Variants in ARHGEF11 observed in about 807,000 individuals in gnomAD.
ARHGEF11 encodes the protein Rho guanine exchange factor (GEF) 11.
Under a neutral mutation model 193.7 loss-of-function variants are expected in ARHGEF11, and 55 were observed. That is an observed-to-expected ratio of 0.28 (90% CI 0.23 to 0.36). ARHGEF11 has a LOEUF of 0.36. Among genes scored for constraint, ARHGEF11 ranks in the 10% least tolerant of loss-of-function variants. The pLI, the probability that ARHGEF11 is intolerant of heterozygous loss-of-function variation, is 1.00. For missense variants in ARHGEF11, 1,723 were observed against 2,005.6 expected (o/e 0.86, Z 2.69); for synonymous variants, 693 against 768.0 (o/e 0.90, Z 1.62).
rs759908021 is a variant in ARHGEF11 at position 157,044,847 on chromosome 1, C to A, written c.-517G>T. 1.0e-4 allele frequency: 25 copies of A among 239,280 alleles called. No individual in the cohort carries two copies. The highest frequency in any genetic ancestry group is 1.7e-4 in the Non-Finnish European group (21 of 126,858). 14.8% of individuals were successfully genotyped at this position (239,280 alleles called of 1,614,324 possible). Reference sequence around the variant, plus strand: ...TGCTTAATATGACAACAGCAAATATCTTTGAGGAAAGGAAAAAAAAAAGGA... The same window carrying A: ...TGCTTAATATGACAACAGCAAATATATTTGAGGAAAGGAAAAAAAAAAGGA... On this transcript the variant is annotated 5_prime_UTR_variant, in exon 1 of 41. Coordinates refer to ENST00000368194, the MANE Select transcript of ARHGEF11 (RefSeq NM_198236.3).
At chr1:157,016,305 C>T (rs972818171) in intron 1 of ARHGEF11, among the ~76,000 whole-genome samples, 3 of 152,116 alleles carry the variant, frequency 2.0e-5, no homozygotes, top group Non-Finnish European at 2.9e-5. Context: ...CTGCAACCTC[C>T]GCCTCTCAGA....
Position 156,980,455 on chromosome 1 carries a change from C to T in ARHGEF11, c.255G>A (p.Glu85=). 1 of 1,604,020 alleles carries T rather than the reference C, an allele frequency of 6.2e-7. No individual in the cohort carries two copies. Among genetic ancestry groups the T allele is most frequent in the South Asian group, 1.1e-5 (1 of 88,662 alleles). Residue 85 remains glutamate, a synonymous_variant, in exon 4 of 41, where the codon GAG becomes GAA. Coordinates refer to ENST00000368194, the MANE Select transcript of ARHGEF11 (RefSeq NM_198236.3). ...CACTCACTTTGATGATCCGGTCGCC[C>T]TCTTTCACACCGGCCTTCATGGCTG... ...GGAAMKAGVK[E]GDRIIKVNGT... is the part of the protein sequence containing the mutation.
intron 6 of ARHGEF11, 70 bp from the exon 7 acceptor site, chr1:156,977,124 T>C: frequency 7.3e-7 from 1 of 1,366,552 alleles, no homozygotes; most frequent in Non-Finnish European, 1.0e-6. Context: ...TTCTATCTGC[T>C]GGTTCCTGGG....
intron 1 of ARHGEF11, among the ~76,000 whole-genome samples, chr1:156,989,503 A>G (rs1442342863): frequency 6.6e-6 from 1 of 152,178 alleles, no homozygotes; most frequent in East Asian, 1.9e-4. Context: ...GCCTCCAATA[A>G]CTTGGTATTA....
At chr1:156,962,865 C>T (rs1178498894) in intron 13 of ARHGEF11, among the ~76,000 whole-genome samples, 4 of 113,090 alleles carry the variant, frequency 3.5e-5, no homozygotes, top group African/African-American at 1.4e-4. Flanking sequence ...GGCGACAGTG[C>T]GAGACTCCGT....
intron 14 of ARHGEF11, among the ~76,000 whole-genome samples, chr1:156,960,923 G>C (rs999782912): frequency 4.6e-5 from 7 of 152,200 alleles, no homozygotes; most frequent in Non-Finnish European, 1.0e-4. Flanking sequence ...CTGACACCTG[G>C]ATACTGGAAA....
chr1:157,034,775 T>C (rs1411369360), intron 1 of ARHGEF11, among the ~76,000 whole-genome samples: 1 of 152,188 alleles, frequency 6.6e-6, no homozygotes, highest in Non-Finnish European at 1.5e-5. Flanking sequence ...CATAACAGTC[T>C]ACCACGTGCT....
chr1:156,944,979 A>C, intron 30 of ARHGEF11, 40 bp downstream of exon 30: 1 of 1,600,438 alleles, frequency 6.2e-7, no homozygotes, highest in Non-Finnish European at 8.5e-7. Context: ...GGGTACCCAC[A>C]AAGTGTGAGG....
chr1:156,938,591 G>C, intron 37 of ARHGEF11, 78 bp from the exon 38 acceptor site: 1 of 1,402,684 alleles, frequency 7.1e-7, no homozygotes, highest in Non-Finnish European at 1.0e-6. Context: ...ACAGGAAGGA[G>C]AGAGGGCAGG....
intron 7 of ARHGEF11, among the ~76,000 whole-genome samples, chr1:156,976,267 C>T (rs1002714520): frequency 6.6e-6 from 1 of 152,142 alleles, no homozygotes; most frequent in Non-Finnish European, 1.5e-5. Context: ...TAAAGTACCA[C>T]TCTTCAAGGC....
Position 156,967,968 on chromosome 1 carries a change from G to A in ARHGEF11, c.963+19C>T, listed in dbSNP as rs367835859. On this transcript the variant is annotated intron_variant, in intron 11 of 40. Coordinates refer to ENST00000368194, the MANE Select transcript of ARHGEF11 (RefSeq NM_198236.3). ...CTTCTGAGAAAAGGAAAACTGCAGGGTGGCTCCAGATCACTCACCTGGTCA... is the reference window on the plus strand; with the variant it reads ...CTTCTGAGAAAAGGAAAACTGCAGGATGGCTCCAGATCACTCACCTGGTCA... 5 of 1,613,478 alleles carry A rather than the reference G, an allele frequency of 3.1e-6. No individual in the cohort carries two copies. Among genetic ancestry groups the A allele is most frequent in the Non-Finnish European group, 4.2e-6 (5 of 1,180,010 alleles).
At chr1:156,990,167 T>C (rs1431812695) in intron 1 of ARHGEF11, among the ~76,000 whole-genome samples, 1 of 152,242 alleles carries the variant, frequency 6.6e-6, no homozygotes, top group African/African-American at 2.4e-5. Context: ...CCTACTTTTC[T>C]TGGTCTTGTC....
intron 1 of ARHGEF11, among the ~76,000 whole-genome samples, chr1:157,043,365 A>C (rs1489545732): frequency 1.3e-5 from 2 of 152,272 alleles, no homozygotes; most frequent in East Asian, 3.9e-4. Flanking sequence ...CATGGGGAGA[A>C]GCGTTGAGGA....
chr1:156,990,830 C>G (rs1239348685), intron 1 of ARHGEF11, among the ~76,000 whole-genome samples: 1 of 152,174 alleles, frequency 6.6e-6, no homozygotes, highest in African/African-American at 2.4e-5. Flanking sequence ...ATACTCCATG[C>G]TCACCTTGTA....
intron 10 of ARHGEF11, among the ~76,000 whole-genome samples, chr1:156,968,349 C>G (rs1003749784): frequency 1.3e-5 from 2 of 152,200 alleles, no homozygotes; most frequent in African/African-American, 4.8e-5. Context: ...CATTTTCACA[C>G]AAAGAAACTG....
At position 156,963,283 on chromosome 1, in the gene ARHGEF11, G is replaced by C. The variant is rs780615920; in HGVS notation, c.1060C>G (p.Leu354Val). Residue 354 changes from leucine (L) to valine (V), a missense_variant, in exon 13 of 41, where the codon CTG (leucine) becomes GTG (valine). Leu to Val is a conservative substitution (Grantham distance 32). Coordinates refer to ENST00000368194, the MANE Select transcript of ARHGEF11 (RefSeq NM_198236.3). ...NNESDIIFQD[L>V]EKLKSRPAHL... ...GCTGGCCGAGACTTCAGTTTCTCCAGATCCTGGAATATGATGTCGCTCTGG... is the reference window on the plus strand; with the variant it reads ...GCTGGCCGAGACTTCAGTTTCTCCACATCCTGGAATATGATGTCGCTCTGG... The C allele has an allele frequency of 1.9e-6, 3 of 1,614,040 alleles. No individual in the cohort carries two copies. Among genetic ancestry groups the C allele is most frequent in the East Asian group, 4.5e-5 (2 of 44,896 alleles).
chr1:156,965,464 A>C (rs967627694), intron 11 of ARHGEF11, among the ~76,000 whole-genome samples: 3 of 152,172 alleles, frequency 2.0e-5, no homozygotes, highest in Admixed American at 2.0e-4. Context: ...GACCACACGA[A>C]GATTCTAATG....
chr1:157,045,809 C>T (rs1673260632), upstream of ARHGEF11, among the ~76,000 whole-genome samples: 1 of 150,886 alleles, frequency 6.6e-6, no homozygotes, highest in African/African-American at 2.4e-5. Flanking sequence ...CTCGCTCGGG[C>T]GCAGGCCCGG....
chr1:156,948,707 GC>G lies in ARHGEF11; in HGVS notation c.1926-210del. The G allele has an allele frequency of 6.6e-7, 1 of 1,517,422 alleles. No individual in the cohort carries two copies. The highest frequency in any genetic ancestry group is 2.5e-5 in the East Asian group (1 of 39,572). The allele number at this position is 1,517,422 out of a possible 1,614,324, so 94.0% of individuals were successfully genotyped here. A position where few individuals can be genotyped will look rare whatever the true frequency, so the allele number is the denominator to read the frequency against. ...TCTACAAACTCCTCCTCTCTCCCCA[GC>G]CTAGCCTGATGGATGGACAGTCATC... On this transcript the variant is annotated intron_variant, in intron 22 of 40. Coordinates refer to ENST00000368194, the MANE Select transcript of ARHGEF11 (RefSeq NM_198236.3). The surrounding 1 kb of genome is among the most constrained non-coding windows in gnomAD (Gnocchi z 4.2).
Sources: gnomAD v4.1 joint callset for allele counts (sites outside exome capture counted in the v4.1 genomes callset) on GRCh38, gnomAD v4.1.1 for gene constraint, Gnocchi (gnomAD v3.1) non-coding constraint, MANE v1.5 for transcripts, NCBI Gene and HGNC (gene_info 2026-07-23, HGNC 2026-07-21) for gene names.